The following SCRN1 variants were observed in gnomAD, a reference collection of about 807,000 sequenced individuals.
SCRN1 encodes secernin 1.
SCRN1 carries 19 observed loss-of-function variants against 43.3 expected under a neutral mutation model. The observed-to-expected ratio is 0.44, with a 90% confidence interval of 0.31 to 0.64. The LOEUF is 0.64. SCRN1 is among the 30% of genes least tolerant of loss of function. The probability of loss-of-function intolerance (pLI) is 0.09; values close to 1 mark genes in which losing one functional copy is unlikely to be tolerated. For synonymous variants in SCRN1, 183 were observed against 188.9 expected, an observed-to-expected ratio of 0.97 and a Z score of 0.26; for missense variants, 447 against 524.1, an observed-to-expected ratio of 0.85 and a Z score of 1.44.
intron 6 of SCRN1, among the ~76,000 whole-genome samples, chr7:29,932,909 C>T (rs190838463): frequency 9.9e-5 from 15 of 152,142 alleles, no homozygotes; most frequent in Admixed American, 8.5e-4. Flanking sequence ...CAGAGTCTCA[C>T]TCTGTCATGC....
intron 2 of SCRN1, among the ~76,000 whole-genome samples, chr7:29,959,646 G>A (rs1379765643): frequency 6.6e-6 from 1 of 152,092 alleles, no homozygotes; most frequent in Non-Finnish European, 1.5e-5. Flanking sequence ...TATTCTTAAG[G>A]TTCATATAAG....
chr7:29,921,836 C>G lies in SCRN1; in HGVS notation c.*2121G>C, dbSNP rs2269979. 2.0e-5 allele frequency: 3 copies of G among 152,308 alleles called. No individual in the cohort carries two copies. In the South Asian group the frequency reaches 6.2e-4, roughly 32 times the overall value. The allele number at this position is 152,308 out of a possible 1,614,324, so 9.4% of individuals were successfully genotyped here. A position where few individuals can be genotyped will look rare whatever the true frequency, so the allele number is the denominator to read the frequency against. On this transcript the variant is annotated 3_prime_UTR_variant, in exon 8 of 8. Transcript: ENST00000242059. ...AAAGGAGGCTTCTGTGTAATTAATT[C>G]TTACTAGACTTCTTTTGATCAAATC...
At position 29,921,396 on chromosome 7, in the gene SCRN1, T is replaced by C. The variant is rs868098426; in HGVS notation, c.*2561A>G. ...ACATTTAAAAATGAACATTCCTCAC[T>C]ATAACAGCCTGCTCAAAACCCAACA... is the stretch of plus-strand genomic sequence containing the variant. On this transcript the variant is annotated 3_prime_UTR_variant, in exon 8 of 8. Transcript: ENST00000242059. The C allele has an allele frequency of 2.0e-5, 3 of 152,242 alleles. No homozygotes were observed. Among genetic ancestry groups the C allele is most frequent in the Non-Finnish European group, 4.4e-5 (3 of 68,044 alleles). 9.4% of individuals were successfully genotyped at this position (152,242 alleles called of 1,614,324 possible).
intron 3 of SCRN1, among the ~76,000 whole-genome samples, chr7:29,951,959 C>T (rs756762186): frequency 3.9e-5 from 6 of 152,068 alleles, no homozygotes; most frequent in Non-Finnish European, 8.8e-5. Context: ...TCTAGCAGGC[C>T]CTTGAAAGAG....
intron 7 of SCRN1, among the ~76,000 whole-genome samples, chr7:29,924,772 T>G (rs1311439864): frequency 6.6e-6 from 1 of 152,208 alleles, no homozygotes; most frequent in Non-Finnish European, 1.5e-5. Flanking sequence ...CCCTGTTCAC[T>G]CTTTTTCTGA....
intron 1 of SCRN1, among the ~76,000 whole-genome samples, chr7:29,981,226 G>A (rs1788983742): frequency 6.6e-6 from 1 of 151,540 alleles, no homozygotes; most frequent in South Asian, 2.1e-4. Context: ...AGAAAGAGGT[G>A]AAAAAGATAC....
Position 29,926,500 on chromosome 7 carries a change from C to T in SCRN1, c.1038G>A (p.Glu346=), listed in dbSNP as rs1285674463. Residue 346 remains glutamate, a synonymous_variant, in exon 7 of 8, where the codon GAG becomes GAA. Transcript: ENST00000242059. ...RFQEKPDRRH[E]LYKAHEWARA... is the part of the protein sequence containing the mutation. ...GTGCCCACTCGTGGGCTTTGTACAG[C>T]TCATGCCGGCGGTCTGGTTTCTCCT... The T allele has an allele frequency of 6.2e-7, 1 of 1,614,086 alleles. No homozygotes were observed. Among genetic ancestry groups the T allele is most frequent in the Admixed American group, 1.7e-5 (1 of 60,032 alleles).
At chr7:29,946,198 A>C (rs185008500) in intron 3 of SCRN1, among the ~76,000 whole-genome samples, 1 of 152,356 alleles carries the variant, frequency 6.6e-6, no homozygotes, top group African/African-American at 2.4e-5. Context: ...TAAAAGAACA[A>C]ACCCACTAGA....
chr7:29,952,868 C>T (rs1787998489), intron 3 of SCRN1, among the ~76,000 whole-genome samples: 1 of 152,210 alleles, frequency 6.6e-6, no homozygotes, highest in African/African-American at 2.4e-5. Flanking sequence ...CATCCCCACC[C>T]TGAAGAACCT....
At chr7:29,944,405 T>C (rs1052193241) in intron 3 of SCRN1, among the ~76,000 whole-genome samples, 1 of 152,178 alleles carries the variant, frequency 6.6e-6, no homozygotes, top group African/African-American at 2.4e-5. Context: ...CAGTGGTTCA[T>C]GCCTATAATC....
chr7:29,984,470 A>G (rs1789089736), intron 1 of SCRN1, among the ~76,000 whole-genome samples: 1 of 152,136 alleles, frequency 6.6e-6, no homozygotes, highest in Non-Finnish European at 1.5e-5. Context: ...CATGAAAAAG[A>G]GATAATTTCC....
Position 29,923,917 on chromosome 7 carries a change from T to G in SCRN1, c.*40A>C. 6.4e-7 allele frequency: 1 copy of G among 1,566,798 alleles called. No individual in the cohort carries two copies. Among genetic ancestry groups the G allele is most frequent in the East Asian group, 2.3e-5 (1 of 44,262 alleles). Reference sequence around the variant, plus strand: ...TTGTTTTGCTGGTAATTTAGTAAGGTGGGAAGTCTTAAATAAGAAGGGGAA... The same window carrying G: ...TTGTTTTGCTGGTAATTTAGTAAGGGGGGAAGTCTTAAATAAGAAGGGGAA... On this transcript the variant is annotated 3_prime_UTR_variant, in exon 8 of 8. Coordinates refer to ENST00000242059, the MANE Select transcript of SCRN1 (RefSeq NM_014766.5).
chr7:29,940,508 T>C (rs1787500832), intron 5 of SCRN1, among the ~76,000 whole-genome samples, 174 bp downstream of exon 5: 1 of 152,180 alleles, frequency 6.6e-6, no homozygotes, highest in African/African-American at 2.4e-5. Flanking sequence ...TAAAAATAAA[T>C]ACAAGTTGTT....
chr7:29,989,415 C>G (rs565067432), intron 1 of SCRN1, among the ~76,000 whole-genome samples: 1 of 152,240 alleles, frequency 6.6e-6, no homozygotes, highest in Non-Finnish European at 1.5e-5. Flanking sequence ...CCCCGCAGTC[C>G]CCGAGCCGAG....
At chr7:29,945,566 ATGCAGTGCTAG>A (rs1260498547) in intron 3 of SCRN1, among the ~76,000 whole-genome samples, 1 of 152,200 alleles carries the variant, frequency 6.6e-6, no homozygotes, top group Non-Finnish European at 1.5e-5. Context: ...CCATGAAAAT[ATGCAGTGCTAG>A]TGCTTGTGAC....
intron 1 of SCRN1, among the ~76,000 whole-genome samples, chr7:29,982,316 CACTT>C (rs1467603809): frequency 6.6e-6 from 1 of 152,060 alleles, no homozygotes; most frequent in Non-Finnish European, 1.5e-5. Context: ...TGTGTGTAAT[CACTT>C]AATCCTCACA....
Position 29,950,697 on chromosome 7 carries a change from G to A in SCRN1, c.341+4482C>T, listed in dbSNP as rs1193444773. On this transcript the variant is annotated intron_variant, in intron 3 of 7. Coordinates refer to ENST00000242059, the MANE Select transcript of SCRN1 (RefSeq NM_014766.5). This position sits in a 1 kb window ranked among gnomAD's most constrained non-coding sequence, Gnocchi z 4.5. Reference sequence around the variant, plus strand: ...CAGACGTTAGGACTACCAGCTGCAGGAAGGAGCTACCAAGTTTGGGCCTCC... The same window carrying A: ...CAGACGTTAGGACTACCAGCTGCAGAAAGGAGCTACCAAGTTTGGGCCTCC... Among the ~76,000 whole-genome samples, 1 of 152,188 alleles carries A rather than the reference G, an allele frequency of 6.6e-6. No individual in the cohort carries two copies. The highest frequency in any genetic ancestry group is 1.5e-5 in the Non-Finnish European group (1 of 68,046).
intron 2 of SCRN1, among the ~76,000 whole-genome samples, chr7:29,966,131 G>C (rs1015730021): frequency 2.7e-5 from 4 of 148,614 alleles, no homozygotes; most frequent in African/African-American, 7.5e-5. Context: ...CAGAGAGAGA[G>C]AGAGACAGAG....
At chr7:29,966,835 T>C (rs1788513328) in intron 2 of SCRN1, among the ~76,000 whole-genome samples, 1 of 152,194 alleles carries the variant, frequency 6.6e-6, no homozygotes, top group Admixed American at 6.5e-5. Flanking sequence ...TTCAGTGCCT[T>C]TGTTAAATTC....
Sources: allele counts gnomAD v4.1 joint callset (sites outside exome capture counted in the v4.1 genomes callset), GRCh38; gene constraint gnomAD v4.1.1; non-coding constraint Gnocchi (gnomAD v3.1); transcripts MANE v1.5; gene names NCBI Gene and HGNC (gene_info 2026-07-23, HGNC 2026-07-21).